ZNF716: variants seen among roughly 807,000 people sequenced by gnomAD.
ZNF716 encodes zinc finger protein 716.
A neutral mutation model predicts 13.4 loss-of-function variants in ZNF716; 9 were observed. That is an observed-to-expected ratio of 0.67 (90% CI 0.41 to 1.18). ZNF716 has a LOEUF of 1.18. ZNF716 is among the 50% of genes most tolerant of loss of function. ZNF716 has a pLI of 0.01. For synonymous variants in ZNF716, 186 were observed against 195.2 expected, an observed-to-expected ratio of 0.95 and a Z score of 0.39; for missense variants, 581 against 576.6, an observed-to-expected ratio of 1.01 and a Z score of -0.08.
intron 3 of ZNF716, among the ~76,000 whole-genome samples, chr7:57,467,506 GA>G (rs1789837959): frequency 6.7e-6 from 1 of 149,254 alleles, no homozygotes; most frequent in Admixed American, 6.8e-5. Context: ...TCACCATGAA[GA>G]TTTTTTTTCA....
rs1165614446 is a variant in ZNF716, at chr7:57,472,828, C to CT, written c.*2885dup. ...TTTGTTCCCATAGGACAAATTTGTA[C>CT]TTTTTTACCTTATTTAATTTTTTTT... On this transcript the variant is annotated 3_prime_UTR_variant, in exon 4 of 4. Coordinates refer to ENST00000420713, the MANE Select transcript of ZNF716 (RefSeq NM_001159279.1). 1 of 151,960 alleles carries CT rather than the reference C, an allele frequency of 6.6e-6. No individual in the cohort carries two copies. Among genetic ancestry groups the CT allele is most frequent in the Non-Finnish European group, 1.5e-5 (1 of 68,010 alleles). 9.4% of individuals were successfully genotyped at this position (151,960 alleles called of 1,614,324 possible). A position where few individuals can be genotyped will look rare whatever the true frequency, so the allele number is the denominator to read the frequency against.
intron 3 of ZNF716, 63 bp downstream of exon 3, chr7:57,463,231 A>G (rs1189590127): frequency 5.0e-6 from 8 of 1,588,598 alleles, no homozygotes; most frequent in Middle Eastern, 1.7e-4. Flanking sequence ...GGAGGAAGCC[A>G]GTCCTTAAAA....
rs13226286 is a variant in ZNF716 at position 57,470,964 on chromosome 7, G to A, written c.*1015G>A. On this transcript the variant is annotated 3_prime_UTR_variant, in exon 4 of 4. Transcript: ENST00000420713. ...GATAATTTATACTGAAGAAAACTCA[G>A]GCAAATATGAAAAATGTGGCAAAAC... 1 of 152,088 alleles carries A rather than the reference G, an allele frequency of 6.6e-6. No homozygotes were observed. The highest frequency in any genetic ancestry group is 1.9e-4 in the East Asian group (1 of 5,176). 9.4% of individuals were successfully genotyped at this position (152,088 alleles called of 1,614,324 possible).
chr7:57,454,834 C>T (rs1188899120), intron 1 of ZNF716, among the ~76,000 whole-genome samples: 3 of 152,064 alleles, frequency 2.0e-5, no homozygotes, highest in Non-Finnish European at 4.4e-5. Flanking sequence ...ACCATCCTAG[C>T]TAACACGGTG....
At chr7:57,468,621 C>G (rs1789855098) in intron 3 of ZNF716, 103 bp from the exon 4 acceptor site, 9 of 1,178,006 alleles carry the variant, frequency 7.6e-6, no homozygotes, top group Middle Eastern at 4.7e-4. Flanking sequence ...TTTTGATATG[C>G]CATTTTGCTA....
At chr7:57,462,433 TTTTG>T (rs1789724664) in intron 1 of ZNF716, 23 bp from the exon 2 acceptor site, 4 of 1,608,406 alleles carry the variant, frequency 2.5e-6, no homozygotes, top group East Asian at 2.2e-5. Context: ...TGAGTGTTTT[TTTTG>T]TTTGTTTATT....
intron 3 of ZNF716, among the ~76,000 whole-genome samples, chr7:57,466,648 A>G (rs1231055874): frequency 2.0e-5 from 3 of 152,052 alleles, no homozygotes; most frequent in Non-Finnish European, 2.9e-5. Flanking sequence ...TGTATACTCT[A>G]CTGAACAGTG....
chr7:57,463,494 A>T (rs1345787055), intron 3 of ZNF716, among the ~76,000 whole-genome samples: 1 of 152,158 alleles, frequency 6.6e-6, no homozygotes, highest in Non-Finnish European at 1.5e-5. Flanking sequence ...CATTTTTGAG[A>T]AACTCTATGT....
chr7:57,460,973 T>A (rs1554322977), intron 1 of ZNF716, among the ~76,000 whole-genome samples: 2 of 151,746 alleles, frequency 1.3e-5, no homozygotes, highest in Admixed American at 6.6e-5. Flanking sequence ...TGATTTTTTT[T>A]TATAATTAAA....
intron 1 of ZNF716, among the ~76,000 whole-genome samples, chr7:57,460,394 C>CA (rs71565809): frequency 0.3 from 25,568 of 85,390 alleles, 4,262 homozygotes; most frequent in African/African-American, 0.35. Flanking sequence ...GACTGTGTCT[C>CA]AAAAAAAAAA....
chr7:57,458,858 C>A (rs1322628259), intron 1 of ZNF716, among the ~76,000 whole-genome samples: 1 of 152,132 alleles, frequency 6.6e-6, no homozygotes, highest in Non-Finnish European at 1.5e-5. Context: ...TTTTTGAATT[C>A]TTTTAATTCT....
Position 57,472,976 on chromosome 7 carries a change from A to G in ZNF716, c.*3027A>G, listed in dbSNP as rs1250077731. 6.6e-6 allele frequency: 1 copy of G among 152,146 alleles called. No individual in the cohort carries two copies. The highest frequency in any genetic ancestry group is 2.4e-5 in the African/African-American group (1 of 41,434). The allele number at this position is 152,146 out of a possible 1,614,324, so 9.4% of individuals were successfully genotyped here. On this transcript the variant is annotated 3_prime_UTR_variant, in exon 4 of 4. Coordinates refer to ENST00000420713, the MANE Select transcript of ZNF716 (RefSeq NM_001159279.1). Reference sequence around the variant, plus strand: ...CATTCATCACCTTGAGCATGTATTTATCCTTTGTATTACAAACAATCCCAT... The same window carrying G: ...CATTCATCACCTTGAGCATGTATTTGTCCTTTGTATTACAAACAATCCCAT...
At position 57,471,950 on chromosome 7, in the gene ZNF716, AAT is replaced by A. The variant is rs1393950086; in HGVS notation, c.*2005_*2006del. 1.3e-5 allele frequency: 2 copies of A among 152,172 alleles called. No individual in the cohort carries two copies. Among genetic ancestry groups the A allele is most frequent in the African/African-American group, 2.4e-5 (1 of 41,458 alleles). The allele number at this position is 152,172 out of a possible 1,614,324, so 9.4% of individuals were successfully genotyped here. A position where few individuals can be genotyped will look rare whatever the true frequency, so the allele number is the denominator to read the frequency against. ...GTATGCTTCTTTCTTTGTAAAAAAAAATATAGATTTTCTGAAAAGCAAATAGT... is the reference window on the plus strand; with the variant it reads ...GTATGCTTCTTTCTTTGTAAAAAAAAATAGATTTTCTGAAAAGCAAATAGT... On this transcript the variant is annotated 3_prime_UTR_variant, in exon 4 of 4. Coordinates refer to ENST00000420713, the MANE Select transcript of ZNF716 (RefSeq NM_001159279.1).
rs1198413672 is a variant in ZNF716, at chr7:57,471,038, A to T, written c.*1089A>T. 6.6e-6 allele frequency: 1 copy of T among 152,220 alleles called. No homozygotes were observed. 9.4% of individuals were successfully genotyped at this position (152,220 alleles called of 1,614,324 possible). A position where few individuals can be genotyped will look rare whatever the true frequency, so the allele number is the denominator to read the frequency against. ...TTGCACAGGAAGCCTTTTATACTAG[A>T]GAAAAATTGTAAAAATATAAAGAAT... is the stretch of plus-strand genomic sequence containing the variant. On this transcript the variant is annotated 3_prime_UTR_variant, in exon 4 of 4. Transcript: ENST00000420713.
Position 57,469,410 on chromosome 7 carries a change from A to G in ZNF716, c.949A>G (p.Ile317Val). 5 of 1,613,862 alleles carry G rather than the reference A, an allele frequency of 3.1e-6. No homozygotes were observed. The highest frequency in any genetic ancestry group is 4.2e-6 in the Non-Finnish European group (5 of 1,179,932). ...TTCAACACTTACTAACCACAAGAGA[A>G]TTCATACTGGAGAGAGACCCTACAA... The part of the protein sequence containing the change: ...RSSTLTNHKR[I>V]HTGERPYKCE... The change falls in exon 4 of 4, where the codon ATT (isoleucine) becomes GTT (valine). Residue 317 changes from isoleucine to valine, a missense_variant. Transcript: ENST00000420713.
intron 1 of ZNF716, among the ~76,000 whole-genome samples, chr7:57,460,266 G>A (rs1387399794): frequency 6.6e-6 from 1 of 151,814 alleles, no homozygotes; most frequent in Non-Finnish European, 1.5e-5. Context: ...GTGGTAGCAT[G>A]CACCTGTAGT....
chr7:57,456,222 G>A (rs533862365), intron 1 of ZNF716, among the ~76,000 whole-genome samples: 1 of 152,114 alleles, frequency 6.6e-6, no homozygotes, highest in South Asian at 2.1e-4. Flanking sequence ...CCAACGTGCT[G>A]GGATTACAGG....
intron 3 of ZNF716, among the ~76,000 whole-genome samples, chr7:57,464,843 A>C (rs1485056948): frequency 6.6e-6 from 1 of 152,118 alleles, no homozygotes; most frequent in Non-Finnish European, 1.5e-5. Flanking sequence ...TATTTTCTGC[A>C]TTGTCTGCTC....
Position 57,469,349 on chromosome 7 carries a change from C to T in ZNF716, c.888C>T (p.Tyr296=). 6.2e-7 allele frequency: 1 copy of T among 1,613,796 alleles called. No homozygotes were observed. The highest frequency in any genetic ancestry group is 1.1e-5 in the South Asian group (1 of 91,060). The change falls in exon 4 of 4, where the codon TAC becomes TAT. Residue 296 remains tyrosine (Y), a synonymous_variant. Transcript: ENST00000420713. ...YKRIHTGEKP[Y]TCEECGKAFS... The stretch of plus-strand genomic sequence containing the variant: ...GAATTCATACTGGAGAGAAACCCTA[C>T]ACATGTGAAGAATGTGGCAAAGCCT...
Sources: allele counts gnomAD v4.1 joint callset (sites outside exome capture counted in the v4.1 genomes callset), GRCh38; gene constraint gnomAD v4.1.1; transcripts MANE v1.5; gene names NCBI Gene and HGNC (gene_info 2026-07-23, HGNC 2026-07-21).